The following NAV2 variants were observed in gnomAD, a reference collection of about 807,000 sequenced individuals.
NAV2 encodes helicase, APC down-regulated 1.
A neutral mutation model predicts 223.2 loss-of-function variants in NAV2; 54 were observed. The ratio of observed to expected loss-of-function variants is 0.24; its 90% confidence interval spans 0.19 to 0.30. The LOEUF is 0.30. Among genes scored for constraint, NAV2 ranks in the 10% least tolerant of loss-of-function variants. The probability of loss-of-function intolerance (pLI) is 1.00; values close to 1 mark genes in which losing one functional copy is unlikely to be tolerated. For synonymous variants in NAV2, 1,279 were observed against 1,239.3 expected (o/e 1.03, Z -0.67); for missense variants, 2,806 against 3,147.5 (o/e 0.89, Z 2.60).
intron 1 of NAV2, among the ~76,000 whole-genome samples, chr11:19,534,296 T>A (rs1590435641): frequency 6.6e-6 from 1 of 152,196 alleles, no homozygotes; most frequent in African/African-American, 2.4e-5. Context: ...CCTGATCTAG[T>A]GGGACCTGAT....
chr11:19,697,158 T>C (rs1052785213), intron 1 of NAV2, among the ~76,000 whole-genome samples: 6 of 152,244 alleles, frequency 3.9e-5, no homozygotes, highest in African/African-American at 9.6e-5. Context: ...GTCATTATCC[T>C]AGCAAACTAA....
At chr11:19,841,138 G>A (rs779437778) in intron 2 of NAV2, among the ~76,000 whole-genome samples, 3 of 152,086 alleles carry the variant, frequency 2.0e-5, no homozygotes, top group Non-Finnish European at 4.4e-5. Context: ...TGAAGATTGG[G>A]ATTTTCCCAG....
At chr11:19,862,747 G>A (rs939281571) in intron 3 of NAV2, among the ~76,000 whole-genome samples, 11 of 152,074 alleles carry the variant, frequency 7.2e-5, no homozygotes, top group African/African-American at 2.7e-4. Context: ...AGGTTGCTAG[G>A]CCCCCAACAC....
chr11:20,094,375 A>T (rs1420700101), intron 29 of NAV2, among the ~76,000 whole-genome samples: 3 of 151,520 alleles, frequency 2.0e-5, no homozygotes, highest in Non-Finnish European at 2.9e-5. Context: ...GACTATAGGT[A>T]CCTGCCACCA....
At chr11:19,929,343 G>A (rs917577305) in intron 6 of NAV2, among the ~76,000 whole-genome samples, 4 of 152,146 alleles carry the variant, frequency 2.6e-5, no homozygotes, top group African/African-American at 9.7e-5. Context: ...GATATCCTAG[G>A]AATGATAGAA....
rs552146878 is a variant in NAV2, at chr11:19,694,408, T to C, written c.76-138076T>C. On this transcript the variant is annotated intron_variant, in intron 1 of 37. Transcript: ENST00000360655. ...CTCCGAGCAAGCTCACAGGTGCCGA[T>C]CATTAGAAGCAAAGCACAGGGAAGC... is the stretch of plus-strand genomic sequence containing the variant. Among the ~76,000 whole-genome samples, 28 of 152,240 alleles carry C rather than the reference T, an allele frequency of 1.8e-4. 1 individual carries two copies. In the South Asian group the frequency reaches 4.6e-3, roughly 25 times the overall value.
At chr11:19,856,835 G>C (rs1273620949) in intron 3 of NAV2, among the ~76,000 whole-genome samples, 3 of 152,192 alleles carry the variant, frequency 2.0e-5, no homozygotes, top group Non-Finnish European at 4.4e-5. Context: ...GCTTGGCTTT[G>C]TTTCCTGCTT....
chr11:19,761,312 C>A (rs1413057387), intron 1 of NAV2, among the ~76,000 whole-genome samples: 2 of 152,120 alleles, frequency 1.3e-5, no homozygotes, highest in Non-Finnish European at 2.9e-5. Flanking sequence ...AATTTACATT[C>A]TTATGGAGAG....
At chr11:19,774,617 C>T (rs2055993172) in intron 1 of NAV2, among the ~76,000 whole-genome samples, 1 of 152,154 alleles carries the variant, frequency 6.6e-6, no homozygotes, top group African/African-American at 2.4e-5. Context: ...CACATACACA[C>T]AGAGAGAGAC....
At chr11:19,573,211 ATCT>A (rs2045473402) in intron 1 of NAV2, among the ~76,000 whole-genome samples, 1 of 152,112 alleles carries the variant, frequency 6.6e-6, no homozygotes, top group Admixed American at 6.5e-5. Context: ...CCCAGAAGTC[ATCT>A]TCTCAGTGAG....
At chr11:20,112,965 A>ACAGACAGC (rs2153722882) in intron 36 of NAV2, among the ~76,000 whole-genome samples, 1 of 152,326 alleles carries the variant, frequency 6.6e-6, no homozygotes, top group Admixed American at 6.5e-5. Flanking sequence ...AGACAGACAG[A>ACAGACAGC]CAGACAGCCG....
chr11:19,435,327 T>G (rs1276823086), intron 1 of NAV2, among the ~76,000 whole-genome samples: 1 of 152,148 alleles, frequency 6.6e-6, no homozygotes, highest in African/African-American at 2.4e-5. Flanking sequence ...CCATATCGTA[T>G]TTGTCTCTCT....
intron 6 of NAV2, among the ~76,000 whole-genome samples, chr11:19,897,938 C>A (rs187283573): frequency 2.9e-3 from 404 of 136,982 alleles, no homozygotes; most frequent in Middle Eastern, 7.6e-3. Context: ...AGACTACTCA[C>A]TTCTGTTGAC....
intron 1 of NAV2, among the ~76,000 whole-genome samples, chr11:19,655,578 C>A (rs916727502): frequency 3.3e-5 from 5 of 152,042 alleles, no homozygotes; most frequent in Admixed American, 1.3e-4. Context: ...AGGATGAGTT[C>A]ATGTCCTTTG....
chr11:20,046,981 C>CTTCCTG lies in NAV2; in HGVS notation c.3902+1314_3902+1315insCTGTTC, dbSNP rs2057505002. Among the ~76,000 whole-genome samples the CTTCCTG allele has an allele frequency of 3.3e-5, 5 of 152,276 alleles. No individual in the cohort carries two copies. The South Asian group carries it at 1.0e-3, about 32-fold the overall frequency. ...GGATGAACAGGAATGTTTGAAAAGACTTCAGAAGAAGCATTCCACATGAAA... is the reference window on the plus strand; with the variant it reads ...GGATGAACAGGAATGTTTGAAAAGACTTCCTGTTCAGAAGAAGCATTCCACATGAAA... On this transcript the variant is annotated intron_variant, in intron 14 of 37. Transcript: ENST00000349880.
At chr11:20,062,543 A>G (rs1190955817) in intron 20 of NAV2, among the ~76,000 whole-genome samples, 184 bp downstream of exon 20, 1 of 152,262 alleles carries the variant, frequency 6.6e-6, no homozygotes, top group Non-Finnish European at 1.5e-5. Context: ...ACCAACCCCA[A>G]AATCCAGAAC....
At chr11:19,736,165 G>C (rs1023972805) in intron 1 of NAV2, among the ~76,000 whole-genome samples, 1 of 152,214 alleles carries the variant, frequency 6.6e-6, no homozygotes, top group African/African-American at 2.4e-5. Context: ...ATAGCAACTA[G>C]CTCCAGACAC....
At chr11:19,920,174 A>G (rs2044161634) in intron 6 of NAV2, among the ~76,000 whole-genome samples, 1 of 152,110 alleles carries the variant, frequency 6.6e-6, no homozygotes. Context: ...TCAAATTCTT[A>G]CTCTACCACT....
At chr11:19,515,696 TAGTTTCC>T (rs1241024888) in intron 1 of NAV2, among the ~76,000 whole-genome samples, 1 of 152,204 alleles carries the variant, frequency 6.6e-6, no homozygotes, top group Non-Finnish European at 1.5e-5. Flanking sequence ...GATACTAGAA[TAGTTTCC>T]AGTTTTCCCT....
Sources: gnomAD v4.1 joint callset for allele counts (sites outside exome capture counted in the v4.1 genomes callset) on GRCh38, gnomAD v4.1.1 for gene constraint, MANE v1.5 for transcripts, NCBI Gene and HGNC (gene_info 2026-07-23, HGNC 2026-07-21) for gene names.